The following STAT5B variants were observed in gnomAD, a reference collection of about 807,000 sequenced individuals.
The protein encoded by STAT5B is transcription factor STAT5B.
Under a neutral mutation model 107.8 loss-of-function variants are expected in STAT5B, and 21 were observed. The observed-to-expected ratio is 0.19, with a 90% CI of 0.14 to 0.28. The LOEUF is 0.28. Ranked by LOEUF, STAT5B falls within the 10% of genes least tolerant of loss-of-function variation. STAT5B has a pLI of 1.00. For missense variants in STAT5B, 565 were observed against 1,008.2 expected, an observed-to-expected ratio of 0.56 and a Z score of 5.95; for synonymous variants, 325 against 401.7, an observed-to-expected ratio of 0.81 and a Z score of 2.28.
At chr17:42,227,452 GGAGA>G (rs1279553277) in intron 3 of STAT5B, 73 bp downstream of exon 3, 1 of 1,601,588 alleles carries the variant, frequency 6.2e-7, no homozygotes, top group Non-Finnish European at 8.5e-7. Flanking sequence ...CTGGACTGAA[GGAGA>G]GAAAGAAAGT....
chr17:42,208,699 C>T lies in STAT5B; in HGVS notation c.1907-971G>A, dbSNP rs1461080933. Among the ~76,000 whole-genome samples the T allele has an allele frequency of 2.0e-5, 3 of 151,918 alleles. No homozygotes were observed. In the East Asian group the frequency reaches 5.8e-4, roughly 29 times the overall value. The stretch of plus-strand genomic sequence containing the variant: ...ATATAAAAGCTAGGAAGCATGCCCA[C>T]AACCAGAGAAAGCATAAGAGCTATT... On this transcript the variant is annotated intron_variant, in intron 15 of 18. Transcript: ENST00000293328.
intron 1 of STAT5B, among the ~76,000 whole-genome samples, chr17:42,235,635 G>A (rs1005995160): frequency 2.0e-5 from 3 of 151,938 alleles, no homozygotes; most frequent in Non-Finnish European, 2.9e-5. Flanking sequence ...ACACCGCCAC[G>A]CCCAGCTAAG....
Position 42,265,377 on chromosome 17 carries a change from C to CTTT in STAT5B, c.-11+10868_-11+10870dup, listed in dbSNP as rs371149930. Among the ~76,000 whole-genome samples the CTTT allele has an allele frequency of 7.2e-5, 8 of 110,596 alleles. 2 individuals are homozygous for CTTT. Among genetic ancestry groups the CTTT allele is most frequent in the African/African-American group, 1.8e-4 (5 of 27,666 alleles). The allele number at this position is 110,596 out of a possible 152,430, so 72.6% of individuals were successfully genotyped here. ...GCTAAGTCAAAGGGTATGTACTCTTCTTTTTTTTTTTTGAGACGAAGTCTC... is the reference window on the plus strand; with the variant it reads ...GCTAAGTCAAAGGGTATGTACTCTTCTTTTTTTTTTTTTTTGAGACGAAGTCTC... On this transcript the variant is annotated intron_variant, in intron 1 of 18. Coordinates refer to ENST00000293328, the MANE Select transcript of STAT5B (RefSeq NM_012448.4).
intron 1 of STAT5B, among the ~76,000 whole-genome samples, chr17:42,274,075 C>T (rs1177882782): frequency 6.6e-6 from 1 of 151,974 alleles, no homozygotes; most frequent in Non-Finnish European, 1.5e-5. Context: ...AAGTACACAC[C>T]TTAAATTTCT....
At chr17:42,255,592 C>T (rs2080536103) in intron 1 of STAT5B, among the ~76,000 whole-genome samples, 1 of 152,124 alleles carries the variant, frequency 6.6e-6, no homozygotes, top group Non-Finnish European at 1.5e-5. Flanking sequence ...TATAAGATGC[C>T]TGGAGTAGTC....
At chr17:42,229,796 G>A (rs554120573) in intron 2 of STAT5B, among the ~76,000 whole-genome samples, 563 of 151,852 alleles carry the variant, frequency 3.7e-3, no homozygotes, top group Non-Finnish European at 6.4e-3. Flanking sequence ...GCTTGAACCC[G>A]GGAGGCGGAG....
In STAT5B at chr17:42,206,772, T is replaced by C. The variant is rs887575781; in HGVS notation, c.2077+786A>G. Among the ~76,000 whole-genome samples, 5 of 151,276 alleles carry C rather than the reference T, an allele frequency of 3.3e-5. No homozygotes were observed. In the East Asian group the frequency reaches 7.8e-4, roughly 24 times the overall value. On this transcript the variant is annotated intron_variant, in intron 16 of 18. Transcript: ENST00000293328. The stretch of plus-strand genomic sequence containing the variant: ...GTATTTTCAGTAGAGGTGGGGTTTC[T>C]CCACGTTGGTCAGGCTGGTCTTGAA...
rs560910492 is a variant in STAT5B at position 42,217,705 on chromosome 17, T to G, written c.1170-241A>C. On this transcript the variant is annotated intron_variant, in intron 9 of 18. Coordinates refer to ENST00000293328, the MANE Select transcript of STAT5B (RefSeq NM_012448.4). ...CTAAGAGAACTTTTTTTTTTTTTTT[T>G]GTGACGGAGTTTTGCTCTTGTTGCC... The G allele has an allele frequency of 5.7e-4, 303 of 533,474 alleles. 1 individual carries two copies. The highest frequency in any genetic ancestry group is 5.1e-3 in the South Asian group (251 of 48,810). 33.0% of individuals were successfully genotyped at this position (533,474 alleles called of 1,614,324 possible).
rs2080392060 is a variant in STAT5B at position 42,240,401 on chromosome 17, A to G, written c.-10-8264T>C. 4.6e-5 allele frequency among the ~76,000 whole-genome samples: 7 copies of G among 152,374 alleles called. No individual in the cohort carries two copies. The South Asian group carries it at 1.4e-3, about 32-fold the overall frequency. On this transcript the variant is annotated intron_variant, in intron 1 of 18. Transcript: ENST00000293328. ...TAAAGTGAAAGGCATGCAAGGGAAC[A>G]TACTGTAAATTCCATTTTTATGAAA...
At chr17:42,262,152 G>C (rs755853812) in intron 1 of STAT5B, among the ~76,000 whole-genome samples, 14 of 151,834 alleles carry the variant, frequency 9.2e-5, no homozygotes, top group Non-Finnish European at 1.8e-4. Flanking sequence ...ACTCTGTCAA[G>C]TGTTAAAATT....
chr17:42,204,251 CCA>C (rs1341425725), intron 16 of STAT5B, among the ~76,000 whole-genome samples: 1 of 152,180 alleles, frequency 6.6e-6, no homozygotes, highest in Non-Finnish European at 1.5e-5. Flanking sequence ...ATCTGGTCAA[CCA>C]CAGTTACCTT....
intron 1 of STAT5B, among the ~76,000 whole-genome samples, chr17:42,264,639 G>A (rs1274962933): frequency 6.6e-6 from 1 of 151,920 alleles, no homozygotes; most frequent in Non-Finnish European, 1.5e-5. Flanking sequence ...CCAAGTCTTT[G>A]CTATTGTGAA....
intron 9 of STAT5B, 45 bp downstream of exon 9, chr17:42,218,106 G>A: frequency 6.3e-7 from 1 of 1,599,576 alleles, no homozygotes; most frequent in South Asian, 1.1e-5. Flanking sequence ...CTGTTGCCAG[G>A]ACATGAGACA....
At chr17:42,256,518 G>A (rs947935425) in intron 1 of STAT5B, among the ~76,000 whole-genome samples, 1 of 152,092 alleles carries the variant, frequency 6.6e-6, no homozygotes, top group African/African-American at 2.4e-5. Flanking sequence ...TGTTTTCTAT[G>A]GTTTCTGTTA....
intron 1 of STAT5B, among the ~76,000 whole-genome samples, chr17:42,242,720 C>A (rs2080414432): frequency 6.6e-6 from 1 of 151,882 alleles, no homozygotes; most frequent in South Asian, 2.1e-4. Context: ...GTAATCCCAG[C>A]ACTTTGGGAG....
At chr17:42,257,810 C>T (rs1240273408) in intron 1 of STAT5B, among the ~76,000 whole-genome samples, 2 of 152,134 alleles carry the variant, frequency 1.3e-5, no homozygotes, top group East Asian at 3.8e-4. Flanking sequence ...TCTACTAAAA[C>T]AACAAATACC....
At chr17:42,262,220 G>A (rs1435829123) in intron 1 of STAT5B, among the ~76,000 whole-genome samples, 1 of 151,762 alleles carries the variant, frequency 6.6e-6, no homozygotes, top group Non-Finnish European at 1.5e-5. Context: ...GAGTACAGTG[G>A]AGCGATCACA....
At chr17:42,236,669 T>C (rs1390317770) in intron 1 of STAT5B, among the ~76,000 whole-genome samples, 1 of 152,152 alleles carries the variant, frequency 6.6e-6, no homozygotes, top group Admixed American at 6.5e-5. Flanking sequence ...ACTACTGACC[T>C]CAGGTGACCT....
chr17:42,266,630 TGTGGAAGGTTGAG>T (rs2080675106), intron 1 of STAT5B, among the ~76,000 whole-genome samples: 1 of 151,814 alleles, frequency 6.6e-6, no homozygotes, highest in South Asian at 2.1e-4. Flanking sequence ...ATCCCAATAC[TGTGGAAGGTTGAG>T]GTGGGAGGTG....
Sources: gnomAD v4.1 joint callset for allele counts (sites outside exome capture counted in the v4.1 genomes callset) on GRCh38, gnomAD v4.1.1 for gene constraint, MANE v1.5 for transcripts, NCBI Gene and HGNC (gene_info 2026-07-23, HGNC 2026-07-21) for gene names.